Variants in JAKMIP3 observed in about 807,000 individuals in gnomAD.
JAKMIP3 encodes Janus kinase and microtubule interacting protein 3.
A neutral mutation model predicts 118.5 loss-of-function variants in JAKMIP3; 58 were observed. The ratio of observed to expected loss-of-function variants is 0.49; its 90% CI spans 0.40 to 0.61. JAKMIP3 has a LOEUF of 0.61. JAKMIP3 is among the 20% of genes least tolerant of loss of function. JAKMIP3 has a pLI of 0.00. For synonymous variants in JAKMIP3, 486 were observed against 451.2 expected (o/e 1.08, Z -0.98); for missense variants, 950 against 1,109.0 (o/e 0.86, Z 2.04).
intron 2 of JAKMIP3, among the ~76,000 whole-genome samples, chr10:132,113,887 G>T (rs192436674): frequency 6.6e-6 from 1 of 152,336 alleles, no homozygotes; most frequent in East Asian, 1.9e-4. Flanking sequence ...CCATGGCCAC[G>T]TGTGTGAGCC....
intron 23 of JAKMIP3, among the ~76,000 whole-genome samples, chr10:132,169,535 G>A (rs1279946698): frequency 2.6e-5 from 4 of 152,128 alleles, no homozygotes; most frequent in Non-Finnish European, 4.4e-5. Flanking sequence ...CCTCGCCAGC[G>A]GGGTTCCCTA....
In JAKMIP3 at chr10:132,106,976, T is replaced by C. The variant is rs1382786300; in HGVS notation, c.135+2033T>C. 3.9e-5 allele frequency among the ~76,000 whole-genome samples: 6 copies of C among 152,246 alleles called. No individual in the cohort carries two copies. The East Asian group carries it at 5.8e-4, about 15-fold the overall frequency. On this transcript the variant is annotated intron_variant, in intron 2 of 23. Transcript: ENST00000684848. ...TCAGCTCACTACAGCCTCGACCTCC[T>C]GGGCTCAAGCAATCCTCTCACCTCA... is the stretch of plus-strand genomic sequence containing the variant.
chr10:132,162,342 C>A lies in JAKMIP3; in HGVS notation c.2221-867C>A, dbSNP rs549444123. On this transcript the variant is annotated intron_variant, in intron 19 of 23. Transcript: ENST00000684848. ...GATGAGCACCTCCCACCACCAGGTG[C>A]ACGTGAAGCCACCATGAGGTTAATT... Among the ~76,000 whole-genome samples, 70 of 152,374 alleles carry A rather than the reference C, an allele frequency of 4.6e-4. No individual in the cohort carries two copies. The South Asian group carries it at 0.014, about 30-fold the overall frequency.
chr10:132,051,853 C>T (rs1269881716), intron 1 of JAKMIP3, among the ~76,000 whole-genome samples: 1 of 152,206 alleles, frequency 6.6e-6, no homozygotes, highest in African/African-American at 2.4e-5. Context: ...AGTGATCCAC[C>T]CACCTCAGCC....
At chr10:132,180,788 T>TGTGCGTGTGTGTGCGTGTGTGTGTGC (rs1491365450) in intron 23 of JAKMIP3, among the ~76,000 whole-genome samples, 5 of 10,730 alleles carry the variant, frequency 4.7e-4, no homozygotes, top group African/African-American at 1.7e-3. Context: ...TGTGTGCGCG[T>TGTGCGTGTGTGTGCGTGTGTGTGTGC]ATGCATGTGC....
intron 2 of JAKMIP3, among the ~76,000 whole-genome samples, chr10:132,109,351 G>A (rs931195158): frequency 6.6e-6 from 1 of 152,076 alleles, no homozygotes; most frequent in Admixed American, 6.6e-5. Flanking sequence ...AAAAAAGATT[G>A]TGTGCACACA....
chr10:132,044,790 C>A lies in JAKMIP3; in HGVS notation c.-138+8052C>A, dbSNP rs540675157. The stretch of plus-strand genomic sequence containing the variant: ...TCCAGAACGATTTCATCTTCCCAAA[C>A]GGAAACTGTACCCCCCACCCAGCCC... On this transcript the variant is annotated intron_variant, in intron 1 of 23. Coordinates refer to the JAKMIP3 transcript ENST00000657785. This position sits in a 1 kb window ranked among gnomAD's most constrained non-coding sequence, Gnocchi z 5.3. 1.3e-5 allele frequency among the ~76,000 whole-genome samples: 2 copies of A among 152,096 alleles called. No individual in the cohort carries two copies. The highest frequency in any genetic ancestry group is 2.4e-5 in the African/African-American group (1 of 41,424).
At chr10:132,092,645 G>T (rs572439740) in intron 1 of JAKMIP3, among the ~76,000 whole-genome samples, 31 of 152,004 alleles carry the variant, frequency 2.0e-4, no homozygotes, top group African/African-American at 7.0e-4. Flanking sequence ...TCTCTACATT[G>T]GTTATTCTAG....
chr10:132,083,108 A>G (rs1299468132), intron 1 of JAKMIP3, among the ~76,000 whole-genome samples: 1 of 152,182 alleles, frequency 6.6e-6, no homozygotes, highest in African/African-American at 2.4e-5. Context: ...GAATCTTCAC[A>G]CTGTTTTCCA....
intron 3 of JAKMIP3, among the ~76,000 whole-genome samples, chr10:132,129,402 G>A (rs572509747): frequency 6.6e-6 from 1 of 152,268 alleles, no homozygotes; most frequent in African/African-American, 2.4e-5. Flanking sequence ...GTCCTGCCTT[G>A]CACACGTACA....
At position 132,183,470 on chromosome 10, in the gene JAKMIP3, C is replaced by T. The variant is rs1222744898; in HGVS notation, c.*2217C>T. Reference sequence around the variant, plus strand: ...TATGTCTGGAGCACTTCATACACCTCTATCCACCACAGACACTCTTAATCA... The same window carrying T: ...TATGTCTGGAGCACTTCATACACCTTTATCCACCACAGACACTCTTAATCA... On this transcript the variant is annotated 3_prime_UTR_variant, in exon 24 of 24. Transcript: ENST00000684848. The T allele has an allele frequency of 6.6e-6, 1 of 151,692 alleles. No individual in the cohort carries two copies. Among genetic ancestry groups the T allele is most frequent in the Non-Finnish European group, 1.5e-5 (1 of 67,912 alleles). The allele number at this position is 151,692 out of a possible 1,614,324, so 9.4% of individuals were successfully genotyped here.
At chr10:132,130,040 G>T (rs2050278859) in intron 3 of JAKMIP3, among the ~76,000 whole-genome samples, 1 of 152,118 alleles carries the variant, frequency 6.6e-6, no homozygotes, top group Non-Finnish European at 1.5e-5. Flanking sequence ...TCCCAGACAT[G>T]CAGTAAGTCC....
chr10:132,117,808 C>CA lies in JAKMIP3; in HGVS notation c.633+235dup, dbSNP rs2047950822. On this transcript the variant is annotated intron_variant, in intron 3 of 23. Coordinates refer to ENST00000684848, the MANE Select transcript of JAKMIP3 (RefSeq NM_001323087.2). This position sits in a 1 kb window ranked among gnomAD's most constrained non-coding sequence, Gnocchi z 8.6. Reference sequence around the variant, plus strand: ...AGGTTCAGACCCACAGTCAGGCCCGCACGGGGCAGGCCAGACTCTCACCTC... The same window carrying CA: ...AGGTTCAGACCCACAGTCAGGCCCGCAACGGGGCAGGCCAGACTCTCACCTC... Among the ~76,000 whole-genome samples the CA allele has an allele frequency of 6.6e-6, 1 of 152,170 alleles. No homozygotes were observed. The highest frequency in any genetic ancestry group is 6.5e-5 in the Admixed American group (1 of 15,290).
At chr10:132,130,385 G>A (rs1021170575) in intron 3 of JAKMIP3, among the ~76,000 whole-genome samples, 5 of 152,210 alleles carry the variant, frequency 3.3e-5, no homozygotes, top group African/African-American at 7.2e-5. Context: ...TAGCACATCC[G>A]CTGGGAGCAG....
At chr10:132,140,375 A>AGCGGGAGGAGGCG (rs911813255) in intron 9 of JAKMIP3, 76 bp from the exon 10 acceptor site, 39 of 1,580,290 alleles carry the variant, frequency 2.5e-5, no homozygotes, top group Middle Eastern at 1.7e-4. Flanking sequence ...ACCGTTGGGC[A>AGCGGGAGGAGGCG]GCGGGAGGAG....
At chr10:132,180,830 A>G (rs1382232538) in intron 23 of JAKMIP3, among the ~76,000 whole-genome samples, 1 of 147,264 alleles carries the variant, frequency 6.8e-6, no homozygotes, top group Non-Finnish European at 1.5e-5. Flanking sequence ...GCATGTGTGT[A>G]TATATCGTGT....
intron 13 of JAKMIP3, among the ~76,000 whole-genome samples, 194 bp downstream of exon 13, chr10:132,145,774 GCTGGGGCCTGTTCTC>G (rs935829698): frequency 6.6e-6 from 1 of 152,218 alleles, no homozygotes; most frequent in African/African-American, 2.4e-5. Flanking sequence ...GACAGAGGGA[GCTGGGGCCTGTTCTC>G]CTGGGTCCTG....
intron 23 of JAKMIP3, among the ~76,000 whole-genome samples, chr10:132,181,983 AAACTTTG>A (rs1279442512): frequency 6.6e-6 from 1 of 152,226 alleles, no homozygotes; most frequent in Non-Finnish European, 1.5e-5. Context: ...AAGGTAATAA[AAACTTTG>A]AACTTAGCAG....
In JAKMIP3 at chr10:132,167,973, T is replaced by C. The variant is rs1052003610; in HGVS notation, c.*43T>C. The C allele has an allele frequency of 2.3e-5, 30 of 1,289,228 alleles. No individual in the cohort carries two copies. The highest frequency in any genetic ancestry group is 1.2e-5 in the Non-Finnish European group (12 of 988,688). The allele number at this position is 1,289,228 out of a possible 1,614,324, so 79.9% of individuals were successfully genotyped here. ...TCCAGCCCCACATTGAATCGGACCCTTTTCCTCCAGTGGGACCAGAAAGCA... is the reference window on the plus strand; with the variant it reads ...TCCAGCCCCACATTGAATCGGACCCCTTTCCTCCAGTGGGACCAGAAAGCA... On this transcript the variant is annotated 3_prime_UTR_variant, in exon 23 of 24. Transcript: ENST00000684848.
Sources: allele counts gnomAD v4.1 joint callset (sites outside exome capture counted in the v4.1 genomes callset), GRCh38; gene constraint gnomAD v4.1.1; non-coding constraint Gnocchi (gnomAD v3.1); transcripts MANE v1.5; gene names NCBI Gene and HGNC (gene_info 2026-07-23, HGNC 2026-07-21).